The following VPS13B variants were observed in gnomAD, a reference collection of about 807,000 sequenced individuals.
VPS13B encodes the protein intermembrane lipid transfer protein VPS13B.
VPS13B carries 285 observed loss-of-function variants against 426.4 expected under a neutral mutation model. The ratio of observed to expected loss-of-function variants is 0.67; its 90% CI spans 0.61 to 0.74. The LOEUF (loss-of-function observed/expected upper bound fraction) is 0.74, where lower values mean the gene tolerates loss of function less well. VPS13B is among the 30% of genes least tolerant of loss of function. VPS13B has a pLI of 0.00. For synonymous variants in VPS13B, 1,676 were observed against 1,676.4 expected, an observed-to-expected ratio of 1.00 and a Z score of 0.01; for missense variants, 4,537 against 4,782.6, an observed-to-expected ratio of 0.95 and a Z score of 1.51.
intron 39 of VPS13B, among the ~76,000 whole-genome samples, chr8:99,725,048 A>G (rs1474111212): frequency 2.0e-5 from 3 of 152,090 alleles, no homozygotes; most frequent in East Asian, 3.9e-4. Context: ...TCCTCCCCAC[A>G]CTTCAGAAGA....
At chr8:99,103,264 C>G in intron 5 of VPS13B, 144 bp downstream of exon 5, 1 of 866,686 alleles carries the variant, frequency 1.2e-6, no homozygotes, top group Non-Finnish European at 1.9e-6. Context: ...TGCACATATA[C>G]AAAATGTTGC....
chr8:99,416,169 G>A (rs569636851), intron 21 of VPS13B, among the ~76,000 whole-genome samples: 1 of 152,320 alleles, frequency 6.6e-6, no homozygotes, highest in South Asian at 2.1e-4. Flanking sequence ...TGGTGCTGCA[G>A]TGGGCTCTTC....
intron 19 of VPS13B, among the ~76,000 whole-genome samples, chr8:99,364,514 C>A (rs545423408): frequency 3.5e-4 from 53 of 152,154 alleles, no homozygotes; most frequent in African/African-American, 1.3e-3. Context: ...CTCACTGCAG[C>A]CTTGACCTTC....
At chr8:99,628,748 T>A (rs1201216350) in intron 33 of VPS13B, among the ~76,000 whole-genome samples, 1 of 151,756 alleles carries the variant, frequency 6.6e-6, no homozygotes, top group Non-Finnish European at 1.5e-5. Context: ...GTGTTCAAAT[T>A]CCAGTTTCAC....
intron 17 of VPS13B, among the ~76,000 whole-genome samples, chr8:99,204,451 A>G (rs941553677): frequency 6.6e-5 from 10 of 152,264 alleles, no homozygotes; most frequent in Admixed American, 2.0e-4. Context: ...AGGCACAGGC[A>G]AAGACTTTGT....
intron 43 of VPS13B, among the ~76,000 whole-genome samples, chr8:99,788,326 G>T (rs1812370888): frequency 6.8e-6 from 1 of 147,642 alleles, no homozygotes. Context: ...GAGGCAGGAG[G>T]ATTACTTGAG....
At chr8:99,363,228 G>T (rs1249190098) in intron 19 of VPS13B, among the ~76,000 whole-genome samples, 1 of 152,106 alleles carries the variant, frequency 6.6e-6, no homozygotes, top group Non-Finnish European at 1.5e-5. Context: ...TATGCCTATG[G>T]ATATCTAGTT....
At chr8:99,266,189 G>A (rs534667439) in intron 17 of VPS13B, among the ~76,000 whole-genome samples, 16 of 151,956 alleles carry the variant, frequency 1.1e-4, no homozygotes, top group East Asian at 1.9e-4. Flanking sequence ...GAATTATAGC[G>A]GGCAAGAAGG....
At position 99,023,446 on chromosome 8, in the gene VPS13B, G is replaced by A. The variant is rs188968109; in HGVS notation, c.147+9511G>A. On this transcript the variant is annotated intron_variant, in intron 2 of 61. Transcript: ENST00000357162. ...TTTTTTTCTGGCATAATAGTATTCC[G>A]TTGTGTGTACACACCACATTTTCTT... 5.3e-5 allele frequency among the ~76,000 whole-genome samples: 8 copies of A among 150,288 alleles called. No homozygotes were observed. The East Asian group carries it at 1.2e-3, about 22-fold the overall frequency.
chr8:99,613,128 A>G (rs1301405169), intron 33 of VPS13B, among the ~76,000 whole-genome samples: 1 of 152,196 alleles, frequency 6.6e-6, no homozygotes, highest in East Asian at 1.9e-4. Flanking sequence ...CTACCATGAA[A>G]TCTTTTTTAA....
intron 17 of VPS13B, among the ~76,000 whole-genome samples, chr8:99,203,145 A>G (rs978421701): frequency 6.6e-6 from 1 of 152,160 alleles, no homozygotes; most frequent in African/African-American, 2.4e-5. Flanking sequence ...CCAGCAGCAC[A>G]TCAAAAAGCT....
At chr8:99,382,116 G>T (rs1447304626) in intron 19 of VPS13B, among the ~76,000 whole-genome samples, 1 of 151,986 alleles carries the variant, frequency 6.6e-6, no homozygotes, top group Non-Finnish European at 1.5e-5. Flanking sequence ...TTTCAGGTTT[G>T]TTGAAGATAA....
chr8:99,050,140 C>T lies in VPS13B; in HGVS notation c.291+11574C>T, dbSNP rs542925497. On this transcript the variant is annotated intron_variant, in intron 3 of 61. Coordinates refer to ENST00000357162, the MANE Select transcript of VPS13B (RefSeq NM_152564.5). Reference sequence around the variant, plus strand: ...TGTTGGTGTGCTGCACCCATTAACTCGTAATTTAACATTAGGTATATCTCC... The same window carrying T: ...TGTTGGTGTGCTGCACCCATTAACTTGTAATTTAACATTAGGTATATCTCC... Among the ~76,000 whole-genome samples, 21 of 151,860 alleles carry T rather than the reference C, an allele frequency of 1.4e-4. No homozygotes were observed. The South Asian group carries it at 1.9e-3, about 14-fold the overall frequency.
intron 2 of VPS13B, among the ~76,000 whole-genome samples, chr8:99,027,130 G>A (rs935887177): frequency 6.6e-6 from 1 of 152,112 alleles, no homozygotes; most frequent in Non-Finnish European, 1.5e-5. Context: ...ACCTGCCTCG[G>A]CCTCCCAAAA....
At chr8:99,059,888 A>G (rs903973466) in intron 3 of VPS13B, among the ~76,000 whole-genome samples, 2 of 151,688 alleles carry the variant, frequency 1.3e-5, no homozygotes, top group Admixed American at 6.6e-5. Context: ...GTGCGCCATT[A>G]TGCCCAGCTA....
chr8:99,561,767 G>T (rs1463283933), intron 31 of VPS13B, among the ~76,000 whole-genome samples: 1 of 152,166 alleles, frequency 6.6e-6, no homozygotes, highest in Non-Finnish European at 1.5e-5. Context: ...TGTCAGGATG[G>T]AACCCCATTA....
chr8:99,875,797 A>G lies in VPS13B; in HGVS notation c.*131A>G, dbSNP rs1235676733. 3 of 1,220,862 alleles carry G rather than the reference A, an allele frequency of 2.5e-6. No individual in the cohort carries two copies. The highest frequency in any genetic ancestry group is 3.5e-6 in the Non-Finnish European group (3 of 856,246). 75.6% of individuals were successfully genotyped at this position (1,220,862 alleles called of 1,614,324 possible). ...AGCAATCCTCCCACCTCAACCCACA[A>G]GTAGCTACGACTGCAAGCACCTGCC... On this transcript the variant is annotated 3_prime_UTR_variant, in exon 62 of 62. Coordinates refer to ENST00000357162, the MANE Select transcript of VPS13B (RefSeq NM_152564.5).
chr8:99,505,277 C>G (rs1821435867), intron 27 of VPS13B, among the ~76,000 whole-genome samples: 1 of 152,174 alleles, frequency 6.6e-6, no homozygotes, highest in Admixed American at 6.6e-5. Flanking sequence ...CAAGAACCTT[C>G]CTTTTCATTC....
intron 17 of VPS13B, among the ~76,000 whole-genome samples, chr8:99,225,280 C>CTT (rs369347939): frequency 2.0e-5 from 3 of 148,320 alleles, no homozygotes; most frequent in Non-Finnish European, 3.0e-5. Context: ...CTTTTCTTTT[C>CTT]TTTTTTTTTT....
Sources: allele counts gnomAD v4.1 joint callset (sites outside exome capture counted in the v4.1 genomes callset), GRCh38; gene constraint gnomAD v4.1.1; transcripts MANE v1.5; gene names NCBI Gene and HGNC (gene_info 2026-07-23, HGNC 2026-07-21).